Variants in JARID2 observed in about 807,000 individuals in gnomAD.
The protein encoded by JARID2 is jumonji and AT-rich interaction domain containing 2.
A neutral mutation model predicts 125.6 loss-of-function variants in JARID2; 21 were observed. The observed-to-expected ratio is 0.17, with a 90% CI of 0.12 to 0.24. The LOEUF is 0.24. Among genes scored for constraint, JARID2 ranks in the 10% least tolerant of loss-of-function variants. JARID2 has a pLI of 1.00. For synonymous variants in JARID2, 736 were observed against 661.6 expected, an observed-to-expected ratio of 1.11 and a Z score of -1.73; for missense variants, 1,303 against 1,639.6, an observed-to-expected ratio of 0.79 and a Z score of 3.55.
intron 3 of JARID2, among the ~76,000 whole-genome samples, chr6:15,413,002 G>GTT (rs745910520): frequency 0.026 from 1,206 of 46,434 alleles, 221 homozygotes; most frequent in East Asian, 0.035. Flanking sequence ...AAGAGCTTGT[G>GTT]TTTTTGTTTT....
chr6:15,335,636 C>G lies in JARID2; in HGVS notation c.46-38481C>G, dbSNP rs1428314353. 3.9e-5 allele frequency among the ~76,000 whole-genome samples: 6 copies of G among 152,218 alleles called. No individual in the cohort carries two copies. The East Asian group carries it at 1.2e-3, about 29-fold the overall frequency. ...TGCCTGCCTGTCCACATTGAGGTGTCCCTGGGGGGTGTCTTTTCTCCTAGT... is the reference window on the plus strand; with the variant it reads ...TGCCTGCCTGTCCACATTGAGGTGTGCCTGGGGGGTGTCTTTTCTCCTAGT... On this transcript the variant is annotated intron_variant, in intron 1 of 17. Transcript: ENST00000341776.
intron 2 of JARID2, among the ~76,000 whole-genome samples, chr6:15,408,072 T>TG (rs556025915): frequency 1.2e-3 from 188 of 152,264 alleles, no homozygotes; most frequent in African/African-American, 4.3e-3. Context: ...GAGATCAGCC[T>TG]GGGCAACATG....
rs189881540 is a variant in JARID2, at chr6:15,299,122, C to G, written c.45+52538C>G. Among the ~76,000 whole-genome samples the G allele has an allele frequency of 3.8e-3, 579 of 152,172 alleles. 2 individuals are homozygous for G. Among genetic ancestry groups the G allele is most frequent in the Middle Eastern group, 0.024 (7 of 294 alleles). ...AAGGAAAGAAACCTGGCTATCTGTA[C>G]CCGACATTTGTCAAACTTCACTGAC... On this transcript the variant is annotated intron_variant, in intron 1 of 17. Coordinates refer to ENST00000341776, the MANE Select transcript of JARID2 (RefSeq NM_004973.4).
intron 1 of JARID2, among the ~76,000 whole-genome samples, chr6:15,271,404 G>T (rs1248917309): frequency 6.6e-6 from 1 of 152,204 alleles, no homozygotes. Flanking sequence ...TGGTGCAGTG[G>T]TTCGCTTCTT....
At chr6:15,494,540 C>T (rs1422923105) in intron 6 of JARID2, among the ~76,000 whole-genome samples, 4 of 151,388 alleles carry the variant, frequency 2.6e-5, no homozygotes, top group Non-Finnish European at 5.9e-5. Context: ...TCCCAAGTAG[C>T]TGGGACTACA....
chr6:15,371,663 G>A (rs556475348), intron 1 of JARID2, among the ~76,000 whole-genome samples: 1 of 152,284 alleles, frequency 6.6e-6, no homozygotes, highest in South Asian at 2.1e-4. Flanking sequence ...ACTCAGGTTG[G>A]TATTTGGGTT....
At chr6:15,424,934 C>A (rs1256302007) in intron 3 of JARID2, among the ~76,000 whole-genome samples, 1 of 152,220 alleles carries the variant, frequency 6.6e-6, no homozygotes, top group Non-Finnish European at 1.5e-5. Context: ...CTGTCCACTT[C>A]CACTGTTTTA....
At chr6:15,323,789 G>A (rs183800498) in intron 1 of JARID2, among the ~76,000 whole-genome samples, 1 of 152,128 alleles carries the variant, frequency 6.6e-6, no homozygotes, top group Non-Finnish European at 1.5e-5. Context: ...CAGCTACTCT[G>A]GAGGCCACGT....
chr6:15,307,959 G>A (rs1761893330), intron 1 of JARID2, among the ~76,000 whole-genome samples: 2 of 152,170 alleles, frequency 1.3e-5, no homozygotes, highest in African/African-American at 4.8e-5. Flanking sequence ...ACTAAAACAA[G>A]CACTTGATAA....
chr6:15,423,343 C>T (rs138200738), intron 3 of JARID2, among the ~76,000 whole-genome samples: 5 of 152,092 alleles, frequency 3.3e-5, no homozygotes, highest in East Asian at 1.9e-4. Context: ...AGGTCCAGCT[C>T]GTTTTTTGAG....
chr6:15,419,819 C>T (rs534071931), intron 3 of JARID2, among the ~76,000 whole-genome samples: 6 of 152,256 alleles, frequency 3.9e-5, no homozygotes, highest in Admixed American at 3.3e-4. Flanking sequence ...TGGTTTTAGG[C>T]AATTTGATAC....
In JARID2 at chr6:15,418,510, C is replaced by T. The variant is rs529525223; in HGVS notation, c.323+8145C>T. Among the ~76,000 whole-genome samples the T allele has an allele frequency of 3.9e-5, 6 of 152,212 alleles. No homozygotes were observed. The East Asian group carries it at 7.7e-4, about 20-fold the overall frequency. ...TTACAGGCATATGAGCCACTGTGCC[C>T]GGTCAACTATATTCTTTAGAAGGGT... On this transcript the variant is annotated intron_variant, in intron 3 of 17. Coordinates refer to ENST00000341776, the MANE Select transcript of JARID2 (RefSeq NM_004973.4).
At position 15,507,259 on chromosome 6, in the gene JARID2, C is replaced by G. The variant is rs1261456909; in HGVS notation, c.2660+5C>G. On this transcript the variant is annotated splice_donor_5th_base_variant and intron_variant, in intron 10 of 17. Coordinates refer to ENST00000341776, the MANE Select transcript of JARID2 (RefSeq NM_004973.4). ...AAAATCAGAACCCTTTTCGAGGTAA[C>G]CTGGGATTCTCTCGTCCAGGTTCTT... is the stretch of plus-strand genomic sequence containing the variant. 3.1e-6 allele frequency: 5 copies of G among 1,609,172 alleles called. No homozygotes were observed. The highest frequency in any genetic ancestry group is 2.2e-5 in the East Asian group (1 of 44,848).
At chr6:15,375,679 G>C (rs1164255406) in intron 2 of JARID2, among the ~76,000 whole-genome samples, 1 of 152,168 alleles carries the variant, frequency 6.6e-6, no homozygotes, top group African/African-American at 2.4e-5. Context: ...GATATAGATC[G>C]TGTTTATTGT....
chr6:15,353,988 C>T (rs1290402095), intron 1 of JARID2, among the ~76,000 whole-genome samples: 1 of 152,224 alleles, frequency 6.6e-6, no homozygotes, highest in Admixed American at 6.5e-5. Flanking sequence ...TGTGCCAGCA[C>T]ATCCCTGTAT....
intron 1 of JARID2, among the ~76,000 whole-genome samples, chr6:15,254,667 T>C (rs1264457833): frequency 6.6e-6 from 1 of 152,136 alleles, no homozygotes; most frequent in Non-Finnish European, 1.5e-5. Context: ...CCACCACCCA[T>C]GAAGAGGAAG....
At chr6:15,251,076 G>T (rs1252048515) in intron 1 of JARID2, among the ~76,000 whole-genome samples, 2 of 152,036 alleles carry the variant, frequency 1.3e-5, no homozygotes, top group African/African-American at 4.8e-5. Context: ...CTGGAACGCA[G>T]TGGTTCCTCA....
At chr6:15,335,063 G>A (rs2127460569) in intron 1 of JARID2, among the ~76,000 whole-genome samples, 1 of 152,222 alleles carries the variant, frequency 6.6e-6, no homozygotes, top group South Asian at 2.1e-4. Context: ...TGGGCCCCCA[G>A]GGGATATTCA....
In JARID2 at chr6:15,291,093, A is replaced by G. The variant is rs1017933304; in HGVS notation, c.45+44509A>G. Among the ~76,000 whole-genome samples the G allele has an allele frequency of 2.0e-5, 3 of 152,262 alleles. 1 individual carries two copies. The highest frequency in any genetic ancestry group is 6.8e-3 in the Middle Eastern group (2 of 294). Reference sequence around the variant, plus strand: ...CACCAAAAATTAAAAAAAATTAATCAGCCGTGGCGGTGCATGCTTGTAGTC... The same window carrying G: ...CACCAAAAATTAAAAAAAATTAATCGGCCGTGGCGGTGCATGCTTGTAGTC... On this transcript the variant is annotated intron_variant, in intron 1 of 17. Transcript: ENST00000341776.
Sources: allele counts gnomAD v4.1 joint callset (sites outside exome capture counted in the v4.1 genomes callset), GRCh38; gene constraint gnomAD v4.1.1; transcripts MANE v1.5; gene names NCBI Gene and HGNC (gene_info 2026-07-23, HGNC 2026-07-21).